ACOXL: variants seen among roughly 807,000 people sequenced by gnomAD.
The protein encoded by ACOXL is acyl-coenzyme A oxidase-like protein.
A neutral mutation model predicts 71.9 loss-of-function variants in ACOXL; 70 were observed. The ratio of observed to expected loss-of-function variants is 0.97; its 90% CI spans 0.80 to 1.19. ACOXL has a LOEUF of 1.19. Ranked by LOEUF, ACOXL falls within the 50% of genes most tolerant of loss-of-function variation. ACOXL has a pLI of 0.00. For missense variants in ACOXL, 703 were observed against 736.3 expected (o/e 0.95, Z 0.52); for synonymous variants, 253 against 281.6 (o/e 0.90, Z 1.02).
intron 13 of ACOXL, among the ~76,000 whole-genome samples, chr2:110,989,230 C>T (rs1487133388): frequency 6.6e-6 from 1 of 151,978 alleles, no homozygotes; most frequent in African/African-American, 2.4e-5. Context: ...GTTCCGGCAC[C>T]GTTTACTGAA....
At chr2:111,046,347 C>A (rs1172938266) in intron 15 of ACOXL, among the ~76,000 whole-genome samples, 1 of 152,184 alleles carries the variant, frequency 6.6e-6, no homozygotes, top group South Asian at 2.1e-4. Flanking sequence ...TGATGCCAAA[C>A]CTGTGTTGAG....
intron 12 of ACOXL, among the ~76,000 whole-genome samples, chr2:110,962,661 T>TC (rs1245557184): frequency 3.9e-5 from 6 of 152,114 alleles, no homozygotes; most frequent in Admixed American, 3.3e-4. Flanking sequence ...ATGAAGCAGG[T>TC]CCCCCAGGCA....
chr2:110,892,555 A>G (rs905745505), intron 10 of ACOXL, among the ~76,000 whole-genome samples: 1 of 152,158 alleles, frequency 6.6e-6, no homozygotes, highest in African/African-American at 2.4e-5. Context: ...TTTTGCTCGG[A>G]GGGGTGGTTA....
chr2:110,980,015 C>T (rs2149520571), intron 12 of ACOXL, among the ~76,000 whole-genome samples: 1 of 152,304 alleles, frequency 6.6e-6, no homozygotes, highest in East Asian at 1.9e-4. Flanking sequence ...GCCTTGCACA[C>T]AATAGGCTGC....
chr2:110,878,935 G>C (rs1696269352), intron 10 of ACOXL, among the ~76,000 whole-genome samples: 1 of 151,776 alleles, frequency 6.6e-6, no homozygotes, highest in Admixed American at 6.6e-5. Context: ...GTGGGTGCCT[G>C]TAATTCCAGC....
intron 9 of ACOXL, among the ~76,000 whole-genome samples, chr2:110,832,565 A>G (rs886245945): frequency 6.0e-5 from 9 of 151,086 alleles, no homozygotes; most frequent in Admixed American, 2.6e-4. Flanking sequence ...AAAAAAAAAA[A>G]GAACAAACTA....
At chr2:111,072,598 C>A (rs1182522190) in intron 16 of ACOXL, among the ~76,000 whole-genome samples, 1 of 152,166 alleles carries the variant, frequency 6.6e-6, no homozygotes, top group African/African-American at 2.4e-5. Flanking sequence ...TCTCAAGGAC[C>A]AAGTTTCTTA....
chr2:110,978,531 T>C (rs4849314), intron 12 of ACOXL, among the ~76,000 whole-genome samples: 31,912 of 152,100 alleles, frequency 0.21, 4,033 homozygotes, highest in Middle Eastern at 0.3. Flanking sequence ...AAGGAACCGG[T>C]GCAGGCTGGA....
At chr2:110,936,254 G>C (rs2060658103) in intron 12 of ACOXL, among the ~76,000 whole-genome samples, 1 of 152,028 alleles carries the variant, frequency 6.6e-6, no homozygotes, top group Non-Finnish European at 1.5e-5. Context: ...GTGGTTCTCT[G>C]GGTTACCCGC....
chr2:110,844,231 G>A (rs548778002), intron 10 of ACOXL, among the ~76,000 whole-genome samples: 1 of 152,316 alleles, frequency 6.6e-6, no homozygotes, highest in Non-Finnish European at 1.5e-5. Context: ...ACCTGCTCAC[G>A]GACTGACATC....
At chr2:111,039,929 G>A (rs934966081) in intron 15 of ACOXL, among the ~76,000 whole-genome samples, 1 of 152,244 alleles carries the variant, frequency 6.6e-6, no homozygotes, top group Non-Finnish European at 1.5e-5. Flanking sequence ...GTTCAGAACA[G>A]CTGTTTCTCA....
At chr2:111,095,558 T>C (rs2068760098) in intron 17 of ACOXL, among the ~76,000 whole-genome samples, 1 of 151,890 alleles carries the variant, frequency 6.6e-6, no homozygotes, top group South Asian at 2.1e-4. Context: ...GCCTGACTAA[T>C]TTTTGTATTT....
intron 10 of ACOXL, among the ~76,000 whole-genome samples, chr2:110,870,494 A>G (rs918506216): frequency 6.6e-6 from 1 of 152,134 alleles, no homozygotes; most frequent in Non-Finnish European, 1.5e-5. Context: ...GTTGTGACAA[A>G]CCTTCTAGGT....
At chr2:111,063,223 C>A (rs569495024) in intron 16 of ACOXL, among the ~76,000 whole-genome samples, 1 of 152,140 alleles carries the variant, frequency 6.6e-6, no homozygotes, top group African/African-American at 2.4e-5. Flanking sequence ...ATCAGTTCTT[C>A]ACAATATTTT....
chr2:110,895,665 A>AGAGAG (rs2058978569), intron 10 of ACOXL, among the ~76,000 whole-genome samples: 2 of 120,158 alleles, frequency 1.7e-5, no homozygotes, highest in Middle Eastern at 4.2e-3. Context: ...TCTTGAAAAC[A>AGAGAG]ATAGAGAGAG....
intron 12 of ACOXL, among the ~76,000 whole-genome samples, chr2:110,962,410 C>T (rs1418933114): frequency 6.6e-6 from 1 of 152,224 alleles, no homozygotes; most frequent in Non-Finnish European, 1.5e-5. Context: ...TACTCATAAG[C>T]ACAATCAGTT....
intron 11 of ACOXL, among the ~76,000 whole-genome samples, chr2:110,925,521 T>C (rs2060236742): frequency 6.6e-6 from 1 of 152,256 alleles, no homozygotes; most frequent in South Asian, 2.1e-4. Flanking sequence ...AGAACCAATT[T>C]AGCCTCAAAC....
intron 10 of ACOXL, among the ~76,000 whole-genome samples, chr2:110,854,169 C>T (rs1692964241): frequency 1.3e-5 from 2 of 151,986 alleles, no homozygotes; most frequent in East Asian, 1.9e-4. Context: ...TGTGCCCTGC[C>T]CTTCAGGCTG....
intron 3 of ACOXL, among the ~76,000 whole-genome samples, chr2:110,792,920 G>A (rs1471026016): frequency 6.6e-6 from 1 of 152,216 alleles, no homozygotes; most frequent in African/African-American, 2.4e-5. Flanking sequence ...TTGGGTTTCA[G>A]CCTCAGCCCT....
Sources: gnomAD v4.1 joint callset for allele counts (sites outside exome capture counted in the v4.1 genomes callset) on GRCh38, gnomAD v4.1.1 for gene constraint, MANE v1.5 for transcripts, NCBI Gene and HGNC (gene_info 2026-07-23, HGNC 2026-07-21) for gene names.